MAPKAPK5: variants seen among roughly 807,000 people sequenced by gnomAD.
MAPKAPK5 encodes the protein MAP kinase-activated protein kinase 5.
A neutral mutation model predicts 65.1 loss-of-function variants in MAPKAPK5; 30 were observed. The observed-to-expected ratio is 0.46, with a 90% CI of 0.34 to 0.63. The LOEUF (loss-of-function observed/expected upper bound fraction) is 0.63, where lower values mean the gene tolerates loss of function less well. Among genes scored for constraint, MAPKAPK5 ranks in the 20% least tolerant of loss-of-function variants. MAPKAPK5 has a pLI of 0.01. For synonymous variants in MAPKAPK5, 179 were observed against 204.6 expected, an observed-to-expected ratio of 0.87 and a Z score of 1.07; for missense variants, 433 against 581.4, an observed-to-expected ratio of 0.74 and a Z score of 2.63.
intron 1 of MAPKAPK5, among the ~76,000 whole-genome samples, chr12:111,855,070 T>G (rs1237042120): frequency 6.6e-6 from 1 of 152,196 alleles, no homozygotes; most frequent in Non-Finnish European, 1.5e-5. Flanking sequence ...ATAAAGTCGT[T>G]CATGGTTTTC....
chr12:111,891,669 T>C (rs921148008), intron 13 of MAPKAPK5, among the ~76,000 whole-genome samples: 5 of 145,856 alleles, frequency 3.4e-5, no homozygotes, highest in Admixed American at 1.4e-4. Flanking sequence ...TAGCCGGGCA[T>C]GGTGGCATGC....
At chr12:111,891,076 TTTG>T (rs752423043) in intron 13 of MAPKAPK5, among the ~76,000 whole-genome samples, 12 of 152,006 alleles carry the variant, frequency 7.9e-5, no homozygotes, top group African/African-American at 1.9e-4. Context: ...TCCGCGTTTT[TTTG>T]TTGTTGTTGT....
At chr12:111,873,063 AT>A (rs1035010543) in intron 7 of MAPKAPK5, among the ~76,000 whole-genome samples, 13 of 144,852 alleles carry the variant, frequency 9.0e-5, no homozygotes, top group Admixed American at 1.4e-4. Flanking sequence ...CTGTTTCACC[AT>A]TTTTTTTTTA....
chr12:111,878,408 A>T (rs955377362), intron 7 of MAPKAPK5, among the ~76,000 whole-genome samples: 18 of 150,162 alleles, frequency 1.2e-4, no homozygotes, highest in Non-Finnish European at 1.6e-4. Context: ...CTATTTATTT[A>T]TTATTTATTT....
At position 111,885,911 on chromosome 12, in the gene MAPKAPK5, C is replaced by T; in HGVS notation, c.849-5C>T. The T allele has an allele frequency of 6.2e-7, 1 of 1,613,856 alleles. No individual in the cohort carries two copies. The highest frequency in any genetic ancestry group is 8.5e-7 in the Non-Finnish European group (1 of 1,179,834). On this transcript the variant is annotated splice_region_variant and splice_polypyrimidine_tract_variant and intron_variant, in intron 9 of 13. Coordinates refer to ENST00000550735, the MANE Select transcript of MAPKAPK5 (RefSeq NM_003668.4). ...ATGGCAGCCCTGTTGGCGTTTTCTC[C>T]ACAGGCTCCTGAAGGTCAAACCGGA... is the stretch of plus-strand genomic sequence containing the variant.
chr12:111,898,823 G>C lies in MAPKAPK5; in HGVS notation c.*5762G>C, dbSNP rs2136181401. ...ACTTTGTCCTTTTCAGAGATCCCCA[G>C]AGAAGCCCTGCCCCCTTCCCCCCAC... On this transcript the variant is annotated 3_prime_UTR_variant, in exon 14 of 14. Coordinates refer to ENST00000550735, the MANE Select transcript of MAPKAPK5 (RefSeq NM_003668.4). 1 of 152,136 alleles carries C rather than the reference G, an allele frequency of 6.6e-6. No individual in the cohort carries two copies. The highest frequency in any genetic ancestry group is 2.4e-5 in the African/African-American group (1 of 41,510). The allele number at this position is 152,136 out of a possible 1,614,324, so 9.4% of individuals were successfully genotyped here. A position where few individuals can be genotyped will look rare whatever the true frequency, so the allele number is the denominator to read the frequency against.
intron 1 of MAPKAPK5, among the ~76,000 whole-genome samples, chr12:111,847,409 C>T (rs1365167724): frequency 6.6e-6 from 1 of 151,670 alleles, no homozygotes; most frequent in African/African-American, 2.4e-5. Context: ...ATCTTCTATT[C>T]CCTGTATCTT....
chr12:111,873,300 T>G (rs2069844238), intron 7 of MAPKAPK5, among the ~76,000 whole-genome samples: 1 of 152,150 alleles, frequency 6.6e-6, no homozygotes, highest in Non-Finnish European at 1.5e-5. Context: ...GTAAAAGGAT[T>G]TGTAAAAGGA....
intron 1 of MAPKAPK5, among the ~76,000 whole-genome samples, chr12:111,848,188 A>G (rs1366223579): frequency 1.3e-5 from 2 of 152,204 alleles, no homozygotes; most frequent in Non-Finnish European, 2.9e-5. Flanking sequence ...GTACCATTAT[A>G]CATTCCCACT....
Position 111,900,144 on chromosome 12 carries a change from G to A in MAPKAPK5, c.*7083G>A, listed in dbSNP as rs2070978894. 1 of 455,964 alleles carries A rather than the reference G, an allele frequency of 2.2e-6. No homozygotes were observed. The allele number at this position is 455,964 out of a possible 1,614,324, so 28.2% of individuals were successfully genotyped here. A position where few individuals can be genotyped will look rare whatever the true frequency, so the allele number is the denominator to read the frequency against. On this transcript the variant is annotated 3_prime_UTR_variant, in exon 14 of 14. Transcript: ENST00000550735. ...CGAGGGGGACCTAATAGATGTCACA[G>A]TGGACTTGCAAATCACACTCAGGAA...
chr12:111,854,478 A>ATCC (rs1483072221), intron 1 of MAPKAPK5, among the ~76,000 whole-genome samples: 1 of 152,072 alleles, frequency 6.6e-6, no homozygotes, highest in African/African-American at 2.4e-5. Flanking sequence ...TGACCTCGTG[A>ATCC]TCCACCTGCC....
chr12:111,852,325 A>G (rs1249886938), intron 1 of MAPKAPK5, among the ~76,000 whole-genome samples: 1 of 152,130 alleles, frequency 6.6e-6, no homozygotes, highest in African/African-American at 2.4e-5. Context: ...CTGCTGCCCC[A>G]AGACAGCAAG....
rs575104884 is a variant in MAPKAPK5, at chr12:111,872,013, G to A, written c.579+833G>A. 8.0e-4 allele frequency among the ~76,000 whole-genome samples: 122 copies of A among 152,092 alleles called. 1 individual carries two copies. Among genetic ancestry groups the A allele is most frequent in the South Asian group, 2.1e-3 (10 of 4,830 alleles). Reference sequence around the variant, plus strand: ...GTCCATGTTCCTGCATTTATCACTCGTTAATTCCTTTTCATTGCCAAGTAG... The same window carrying A: ...GTCCATGTTCCTGCATTTATCACTCATTAATTCCTTTTCATTGCCAAGTAG... On this transcript the variant is annotated intron_variant, in intron 7 of 13. Coordinates refer to ENST00000550735, the MANE Select transcript of MAPKAPK5 (RefSeq NM_003668.4).
At chr12:111,878,787 G>A (rs1051241066) in intron 7 of MAPKAPK5, among the ~76,000 whole-genome samples, 1 of 152,012 alleles carries the variant, frequency 6.6e-6, no homozygotes, top group African/African-American at 2.4e-5. Context: ...TTTTCTCTGC[G>A]GCATTGCTTT....
intron 7 of MAPKAPK5, among the ~76,000 whole-genome samples, chr12:111,873,896 A>T (rs2069865540): frequency 1.3e-5 from 2 of 152,110 alleles, no homozygotes; most frequent in Non-Finnish European, 2.9e-5. Context: ...CTGGGGTGGT[A>T]TTTAATCTAT....
chr12:111,843,768 A>G (rs1433566548), intron 1 of MAPKAPK5, among the ~76,000 whole-genome samples: 1 of 152,200 alleles, frequency 6.6e-6, no homozygotes, highest in Non-Finnish European at 1.5e-5. Flanking sequence ...CCTTTAAAGG[A>G]GGCATCAACA....
rs57942830 is a variant in MAPKAPK5 at position 111,848,412 on chromosome 12, ATT to A, written c.36+5661_36+5662del. The stretch of plus-strand genomic sequence containing the variant: ...AGGGTCTGTTCCAATCTTTTGCCCC[ATT>A]TTTTTTTTTTTTTTTTTGAGATGGA... On this transcript the variant is annotated intron_variant, in intron 1 of 13. Transcript: ENST00000550735. Among the ~76,000 whole-genome samples, 52 of 123,180 alleles carry A rather than the reference ATT, an allele frequency of 4.2e-4. No individual in the cohort carries two copies. In the East Asian group the frequency reaches 6.2e-3, roughly 15 times the overall value. The allele number at this position is 123,180 out of a possible 152,430, so 80.8% of individuals were successfully genotyped here.
chr12:111,885,394 A>T (rs2070367817), intron 9 of MAPKAPK5: 2 of 152,214 alleles, frequency 1.3e-5, no homozygotes, highest in African/African-American at 4.8e-5. Flanking sequence ...TGTCTCAGAG[A>T]CTCTAGGTTT....
At chr12:111,856,972 A>G (rs2069261910) in intron 1 of MAPKAPK5, among the ~76,000 whole-genome samples, 1 of 152,078 alleles carries the variant, frequency 6.6e-6, no homozygotes, top group South Asian at 2.1e-4. Context: ...GTATTTTTGA[A>G]ATGCTTTTAT....
Sources: gnomAD v4.1 joint callset for allele counts (sites outside exome capture counted in the v4.1 genomes callset) on GRCh38, gnomAD v4.1.1 for gene constraint, MANE v1.5 for transcripts, NCBI Gene and HGNC (gene_info 2026-07-23, HGNC 2026-07-21) for gene names.